SLC14A2: variants seen among roughly 807,000 people sequenced by gnomAD.
SLC14A2 encodes the protein urea transporter 2.
Under a neutral mutation model 104.6 loss-of-function variants are expected in SLC14A2, and 91 were observed. The observed-to-expected ratio is 0.87, with a 90% CI of 0.73 to 1.04. The LOEUF (loss-of-function observed/expected upper bound fraction) is 1.04, where lower values mean the gene tolerates loss of function less well. Ranked by LOEUF, SLC14A2 falls within the 50% of genes least tolerant of loss-of-function variation. The pLI is 0.00. For missense variants in SLC14A2, 1,189 were observed against 1,156.0 expected, an observed-to-expected ratio of 1.03 and a Z score of -0.41; for synonymous variants, 476 against 466.4, an observed-to-expected ratio of 1.02 and a Z score of -0.27.
At chr18:45,209,824 A>G (rs2083947499), upstream of SLC14A2, among the ~76,000 whole-genome samples, 1 of 152,240 alleles carries the variant, frequency 6.6e-6, no homozygotes, top group Admixed American at 6.5e-5. Context: ...GCAATAATTA[A>G]TTGGTCACAA....
intron 1 of SLC14A2, among the ~76,000 whole-genome samples, chr18:45,414,756 AAATATATATATAT>A (rs1444784415): frequency 0.012 from 833 of 71,352 alleles, 64 homozygotes; most frequent in African/African-American, 0.046. Flanking sequence ...AAAAAAAAAA[AAATATATATATAT>A]ATATATATAT....
At position 45,649,703 on chromosome 18, in the gene SLC14A2, C is replaced by T. The variant is rs149125511; in HGVS notation, c.1351+5543C>T. ...CCACAGAGTTTCTTGCCCTGGCAGA[C>T]GGCGACATTTTGGAGGCGAGGGGCT... On this transcript the variant is annotated intron_variant, in intron 10 of 19. Coordinates refer to ENST00000255226, the MANE Select transcript of SLC14A2 (RefSeq NM_007163.4). Among the ~76,000 whole-genome samples the T allele has an allele frequency of 3.9e-3, 588 of 152,366 alleles. 5 individuals are homozygous for T. Among genetic ancestry groups the T allele is most frequent in the African/African-American group, 0.011 (440 of 41,588 alleles).
At position 45,399,270 on chromosome 18, in the gene SLC14A2, A is replaced by C. The variant is rs2612559; in HGVS notation, c.-124-83963A>C. Among the ~76,000 whole-genome samples, 5 of 152,080 alleles carry C rather than the reference A, an allele frequency of 3.3e-5. No homozygotes were observed. In the East Asian group the frequency reaches 9.7e-4, roughly 30 times the overall value. On this transcript the variant is annotated intron_variant, in intron 1 of 20. Transcript: ENST00000586448. ...ACTACCATTCCAGATTTTAAAGATA[A>C]CCTTGGACTTTAGGCAACTGGGCAC... is the stretch of plus-strand genomic sequence containing the variant.
At chr18:45,399,555 G>A (rs2144445879) in intron 1 of SLC14A2, among the ~76,000 whole-genome samples, 1 of 152,188 alleles carries the variant, frequency 6.6e-6, no homozygotes, top group East Asian at 1.9e-4. Context: ...CCTTCTCCTT[G>A]GCCCACAAGA....
intron 2 of SLC14A2, among the ~76,000 whole-genome samples, chr18:45,594,328 G>A (rs1176787152): frequency 6.6e-6 from 1 of 152,208 alleles, no homozygotes; most frequent in Non-Finnish European, 1.5e-5. Flanking sequence ...AGAATGCTTG[G>A]ACATTAGATG....
intron 2 of SLC14A2, among the ~76,000 whole-genome samples, chr18:45,546,757 C>T (rs1004715257): frequency 2.0e-5 from 3 of 152,158 alleles, no homozygotes; most frequent in Admixed American, 6.5e-5. Context: ...ATAGGACCTA[C>T]CTCATGAGGT....
At chr18:45,637,282 A>G in intron 6 of SLC14A2, 100 bp downstream of exon 6, 1 of 928,450 alleles carries the variant, frequency 1.1e-6, no homozygotes, top group Non-Finnish European at 1.7e-6. Context: ...CTTCTCTAGA[A>G]ACATCTATAC....
chr18:45,253,255 C>G (rs186637542), intron 1 of SLC14A2, among the ~76,000 whole-genome samples: 1 of 152,164 alleles, frequency 6.6e-6, no homozygotes, highest in Non-Finnish European at 1.5e-5. Flanking sequence ...AGAACACTTG[C>G]TCCAACACAG....
the SLC14A2 span, among the ~76,000 whole-genome samples, chr18:45,200,704 G>T: frequency 3.9e-5 from 6 of 151,932 alleles, no homozygotes; most frequent in Non-Finnish European, 7.4e-5. Flanking sequence ...GAATGCCATT[G>T]TTTTCATGCA....
intron 2 of SLC14A2, among the ~76,000 whole-genome samples, chr18:45,531,460 A>G (rs987966818): frequency 9.9e-5 from 15 of 152,090 alleles, no homozygotes; most frequent in Non-Finnish European, 1.6e-4. Flanking sequence ...GTGATGATGA[A>G]CATTTTTTCA....
chr18:45,517,310 G>A (rs1033928781), intron 2 of SLC14A2, among the ~76,000 whole-genome samples: 1 of 152,164 alleles, frequency 6.6e-6, no homozygotes, highest in African/African-American at 2.4e-5. Flanking sequence ...GAGTTTGGCA[G>A]GAATTCCGAG....
At chr18:45,421,033 C>T (rs908142246) in intron 1 of SLC14A2, among the ~76,000 whole-genome samples, 6 of 152,108 alleles carry the variant, frequency 3.9e-5, no homozygotes, top group Non-Finnish European at 7.4e-5. Flanking sequence ...GCCACCGCAC[C>T]CGGCCTGATT....
intron 1 of SLC14A2, among the ~76,000 whole-genome samples, chr18:45,305,903 CTG>C (rs1422955494): frequency 6.6e-6 from 1 of 152,150 alleles, no homozygotes; most frequent in African/African-American, 2.4e-5. Context: ...ATTTTTAATA[CTG>C]TGTTTCTAAA....
intron 2 of SLC14A2, among the ~76,000 whole-genome samples, chr18:45,601,600 T>A (rs1350329000): frequency 1.3e-5 from 2 of 152,266 alleles, no homozygotes; most frequent in Non-Finnish European, 2.9e-5. Flanking sequence ...TTCCCCTCTA[T>A]CTTTTCAGTC....
At chr18:45,329,449 A>G (rs1019295170) in intron 1 of SLC14A2, among the ~76,000 whole-genome samples, 1 of 152,172 alleles carries the variant, frequency 6.6e-6, no homozygotes. Flanking sequence ...AACACCCTCT[A>G]CAAATAGAAA....
chr18:45,383,814 C>T (rs2085864971), intron 1 of SLC14A2, among the ~76,000 whole-genome samples: 1 of 152,142 alleles, frequency 6.6e-6, no homozygotes, highest in South Asian at 2.1e-4. Flanking sequence ...CTGCCCTGGG[C>T]TCTGCTTGCC....
At chr18:45,500,592 A>AG (rs1349080428) in intron 2 of SLC14A2, among the ~76,000 whole-genome samples, 33 of 146,016 alleles carry the variant, frequency 2.3e-4, no homozygotes, top group East Asian at 3.9e-4. Context: ...AAAAAAAAAA[A>AG]AAAAGAAATC....
chr18:45,385,128 G>A (rs2085880797), intron 1 of SLC14A2, among the ~76,000 whole-genome samples: 1 of 152,198 alleles, frequency 6.6e-6, no homozygotes, highest in African/African-American at 2.4e-5. Flanking sequence ...CACTAAGTGG[G>A]CCAAGAAAAC....
At chr18:45,460,610 G>C (rs2087027688) in intron 1 of SLC14A2, among the ~76,000 whole-genome samples, 1 of 152,160 alleles carries the variant, frequency 6.6e-6, no homozygotes, top group African/African-American at 2.4e-5. Context: ...GCTAAATAAA[G>C]GAAATATCAC....
Sources: allele counts gnomAD v4.1 joint callset (sites outside exome capture counted in the v4.1 genomes callset), GRCh38; gene constraint gnomAD v4.1.1; transcripts MANE v1.5; gene names NCBI Gene and HGNC (gene_info 2026-07-23, HGNC 2026-07-21).